Variants in LDAH observed in about 807,000 individuals in gnomAD.
LDAH encodes lipid droplet-associated hydrolase.
In LDAH, 26 loss-of-function variants were observed where a neutral mutation model predicts 29.6. The observed-to-expected ratio is 0.88, with a 90% confidence interval of 0.64 to 1.22. The LOEUF (loss-of-function observed/expected upper bound fraction) is 1.22, where lower values mean the gene tolerates loss of function less well. LDAH is among the 50% of genes most tolerant of loss of function. The pLI is 0.00. For synonymous variants in LDAH, 117 were observed against 133.0 expected (o/e 0.88, Z 0.83); for missense variants, 344 against 387.3 (o/e 0.89, Z 0.94).
chr2:20,691,760 T>C (rs562780570), intron 6 of LDAH, among the ~76,000 whole-genome samples: 2 of 152,366 alleles, frequency 1.3e-5, no homozygotes, highest in South Asian at 2.1e-4. Context: ...AAGTAACCCA[T>C]TGTTTTCTAT....
At chr2:20,727,468 T>A (rs114576960) in intron 5 of LDAH, among the ~76,000 whole-genome samples, 4,249 of 152,216 alleles carry the variant, frequency 0.028, 169 homozygotes, top group African/African-American at 0.092. Context: ...GAAGAAAAAA[T>A]TATGAAAATT....
chr2:20,752,986 C>T (rs908510995), intron 4 of LDAH, among the ~76,000 whole-genome samples: 1 of 152,116 alleles, frequency 6.6e-6, no homozygotes, highest in African/African-American at 2.4e-5. Context: ...ACAACAACAA[C>T]AACAACAACA....
intron 4 of LDAH, among the ~76,000 whole-genome samples, chr2:20,764,291 G>A (rs541019348): frequency 4.6e-5 from 7 of 152,152 alleles, no homozygotes; most frequent in Admixed American, 6.5e-5. Flanking sequence ...AGAGACTTAC[G>A]GTTTTCTGAA....
At chr2:20,797,703 C>T (rs944615499) in intron 2 of LDAH, among the ~76,000 whole-genome samples, 1 of 151,856 alleles carries the variant, frequency 6.6e-6, no homozygotes. Context: ...GATTGCCAGA[C>T]ATTTGAGGAA....
At chr2:20,789,187 A>G in intron 3 of LDAH, 2 of 1,550,580 alleles carry the variant, frequency 1.3e-6, no homozygotes, top group South Asian at 1.2e-5. Context: ...CCCCAAATCC[A>G]TAGGTGAAAC....
intron 5 of LDAH, among the ~76,000 whole-genome samples, chr2:20,712,053 G>C (rs1247897820): frequency 6.6e-6 from 1 of 152,228 alleles, no homozygotes; most frequent in Non-Finnish European, 1.5e-5. Context: ...CACAGCATTT[G>C]AGCTCTGAGA....
intron 2 of LDAH, among the ~76,000 whole-genome samples, chr2:20,793,073 T>C (rs1035722769): frequency 2.0e-5 from 3 of 152,192 alleles, no homozygotes; most frequent in African/African-American, 7.2e-5. Context: ...CTATTCAGAA[T>C]TACAGCTTCT....
At chr2:20,695,839 T>C (rs1663424332) in intron 6 of LDAH, among the ~76,000 whole-genome samples, 1 of 152,218 alleles carries the variant, frequency 6.6e-6, no homozygotes. Flanking sequence ...ATTAACCATT[T>C]TATTGATGAA....
intron 6 of LDAH, among the ~76,000 whole-genome samples, chr2:20,691,195 T>C (rs543196894): frequency 2.6e-5 from 4 of 152,208 alleles, no homozygotes; most frequent in Non-Finnish European, 4.4e-5. Context: ...TTTTTTATTC[T>C]GAGACAGTCT....
At chr2:20,736,653 TA>T (rs1666810986) in intron 5 of LDAH, among the ~76,000 whole-genome samples, 1 of 152,130 alleles carries the variant, frequency 6.6e-6, no homozygotes, top group African/African-American at 2.4e-5. Context: ...TTGACATCTA[TA>T]AAGGACATTT....
chr2:20,784,904 C>T (rs574744105), intron 3 of LDAH, among the ~76,000 whole-genome samples: 1 of 151,778 alleles, frequency 6.6e-6, no homozygotes, highest in Non-Finnish European at 1.5e-5. Flanking sequence ...ACAAAAAAAA[C>T]AAAAAAACAC....
chr2:20,704,976 T>C (rs1664203598), intron 5 of LDAH, among the ~76,000 whole-genome samples: 1 of 152,242 alleles, frequency 6.6e-6, no homozygotes, highest in Non-Finnish European at 1.5e-5. Flanking sequence ...CTGTCATCCT[T>C]GGACTTCCCT....
At position 20,689,985 on chromosome 2, in the gene LDAH, G is replaced by A. The variant is rs145184673; in HGVS notation, c.787-2891C>T. 6.4e-3 allele frequency among the ~76,000 whole-genome samples: 969 copies of A among 152,306 alleles called. 7 individuals are homozygous for A. The highest frequency in any genetic ancestry group is 0.022 in the African/African-American group (929 of 41,566). On this transcript the variant is annotated intron_variant, in intron 6 of 6. Coordinates refer to ENST00000237822, the MANE Select transcript of LDAH (RefSeq NM_021925.4). Reference sequence around the variant, plus strand: ...ATACAGTTTCCTCAACAAGAAAAGCGTCACTGTACGCACCGCTGTTGCTTT... The same window carrying A: ...ATACAGTTTCCTCAACAAGAAAAGCATCACTGTACGCACCGCTGTTGCTTT...
intron 5 of LDAH, among the ~76,000 whole-genome samples, chr2:20,720,298 G>C (rs1019312578): frequency 6.6e-6 from 1 of 152,012 alleles, no homozygotes; most frequent in South Asian, 2.1e-4. Context: ...AAAATCAGCA[G>C]TGTTTATATA....
intron 6 of LDAH, among the ~76,000 whole-genome samples, chr2:20,692,633 T>A (rs909049431): frequency 2.6e-5 from 4 of 152,376 alleles, no homozygotes; most frequent in African/African-American, 9.6e-5. Context: ...GTTAACCTTA[T>A]GGATAAACTG....
chr2:20,801,348 C>T lies in LDAH; in HGVS notation c.116G>A (p.Ser39Asn). 4 of 1,614,132 alleles carry T rather than the reference C, an allele frequency of 2.5e-6. No homozygotes were observed. The highest frequency in any genetic ancestry group is 1.1e-5 in the South Asian group (1 of 91,078). The change falls in exon 2 of 7, where the codon AGT (serine) becomes AAT (asparagine). Residue 39 changes from serine to asparagine, a missense_variant. Coordinates refer to ENST00000237822, the MANE Select transcript of LDAH (RefSeq NM_021925.4). ...GPWTDLFHDQ[S>N]VKRPKLLIFI... ...AATAAGCAGCTTAGGCCTTTTGACA[C>T]TTTGATCATGAAAGAGGTCTGTCCA...
intron 4 of LDAH, among the ~76,000 whole-genome samples, chr2:20,748,598 C>T (rs935715328): frequency 6.6e-6 from 1 of 152,222 alleles, no homozygotes; most frequent in African/African-American, 2.4e-5. Context: ...TGCTCACAGG[C>T]TCACTGCAAA....
intron 1 of LDAH, among the ~76,000 whole-genome samples, chr2:20,817,317 T>A (rs187330019): frequency 2.6e-5 from 4 of 152,060 alleles, no homozygotes; most frequent in Admixed American, 2.6e-4. Flanking sequence ...TGACACAAAT[T>A]ACTAATACAG....
At chr2:20,688,258 G>A (rs1662711515) in intron 6 of LDAH, among the ~76,000 whole-genome samples, 1 of 152,164 alleles carries the variant, frequency 6.6e-6, no homozygotes, top group Admixed American at 6.5e-5. Context: ...TCTTCAAGCT[G>A]GGGCAGCACA....
Sources: allele counts gnomAD v4.1 joint callset (sites outside exome capture counted in the v4.1 genomes callset), GRCh38; gene constraint gnomAD v4.1.1; transcripts MANE v1.5; gene names NCBI Gene and HGNC (gene_info 2026-07-23, HGNC 2026-07-21).